DPP10: variants seen among roughly 807,000 people sequenced by gnomAD.
The protein encoded by DPP10 is dipeptidyl peptidase like 10, also known as inactive dipeptidyl peptidase 10.
DPP10 carries 33 observed loss-of-function variants against 120.9 expected under a neutral mutation model. The ratio of observed to expected loss-of-function variants is 0.27; its 90% CI spans 0.21 to 0.37. The LOEUF (loss-of-function observed/expected upper bound fraction) is 0.37, where lower values mean the gene tolerates loss of function less well. DPP10 is among the 10% of genes least tolerant of loss of function. The pLI is 1.00. For synonymous variants in DPP10, 337 were observed against 326.1 expected (o/e 1.03, Z -0.36); for missense variants, 816 against 942.8 (o/e 0.87, Z 1.76).
chr2:115,370,827 T>G (rs2065358892), intron 3 of DPP10, among the ~76,000 whole-genome samples: 1 of 151,880 alleles, frequency 6.6e-6, no homozygotes, highest in Admixed American at 6.6e-5. Context: ...GGGTACGCGT[T>G]AAGTATTGGC....
chr2:115,157,085 T>C (rs779370257), intron 1 of DPP10, among the ~76,000 whole-genome samples: 2 of 152,236 alleles, frequency 1.3e-5, no homozygotes, highest in East Asian at 3.9e-4. Flanking sequence ...GGTAAATTTC[T>C]CACGTTCTCA....
At chr2:115,377,609 A>G (rs62167326) in intron 3 of DPP10, among the ~76,000 whole-genome samples, 1 of 152,158 alleles carries the variant, frequency 6.6e-6, no homozygotes, top group African/African-American at 2.4e-5. Context: ...TTGGTATTTT[A>G]GACATGAAGT....
intron 3 of DPP10, among the ~76,000 whole-genome samples, chr2:115,490,019 A>G (rs1328177032): frequency 6.6e-6 from 1 of 152,134 alleles, no homozygotes; most frequent in African/African-American, 2.4e-5. Context: ...CTTGCAACCA[A>G]TTACCAATCA....
At chr2:114,943,676 G>A (rs1697140342) in intron 1 of DPP10, among the ~76,000 whole-genome samples, 2 of 152,112 alleles carry the variant, frequency 1.3e-5, no homozygotes, top group Admixed American at 6.5e-5. Flanking sequence ...ACCTGCACGT[G>A]TCTTTATAGT....
At chr2:115,168,871 C>G (rs146044560) in intron 1 of DPP10, among the ~76,000 whole-genome samples, 360 of 152,132 alleles carry the variant, frequency 2.4e-3, no homozygotes, top group African/African-American at 8.4e-3. Context: ...CACTGCCAGG[C>G]TAAATACAGA....
chr2:115,289,205 A>T (rs1368326752), intron 1 of DPP10, among the ~76,000 whole-genome samples: 2 of 152,122 alleles, frequency 1.3e-5, no homozygotes, highest in Admixed American at 6.6e-5. Flanking sequence ...CTGGAAAAAA[A>T]TGAAATACCT....
At chr2:115,591,787 G>A (rs2082681274) in intron 5 of DPP10, among the ~76,000 whole-genome samples, 1 of 152,176 alleles carries the variant, frequency 6.6e-6, no homozygotes, top group South Asian at 2.1e-4. Context: ...CTATCCATGA[G>A]CATAGAACAT....
intron 4 of DPP10, among the ~76,000 whole-genome samples, chr2:115,522,475 A>C (rs1269859828): frequency 1.3e-5 from 2 of 152,222 alleles, no homozygotes; most frequent in Non-Finnish European, 2.9e-5. Context: ...ATGGAATGAT[A>C]CGTACAAAAC....
intron 5 of DPP10, among the ~76,000 whole-genome samples, chr2:115,616,783 A>T (rs1404687893): frequency 6.6e-6 from 1 of 152,006 alleles, no homozygotes; most frequent in African/African-American, 2.4e-5. Context: ...ATTTCTAAAA[A>T]ATGCTGATGG....
chr2:115,675,522 A>G (rs1025521842), intron 5 of DPP10, among the ~76,000 whole-genome samples: 1 of 152,166 alleles, frequency 6.6e-6, no homozygotes, highest in Non-Finnish European at 1.5e-5. Flanking sequence ...GAGGCATGGA[A>G]GCTTGAGATG....
intron 1 of DPP10, among the ~76,000 whole-genome samples, chr2:114,982,160 A>T (rs1162978555): frequency 6.6e-6 from 1 of 152,000 alleles, no homozygotes; most frequent in African/African-American, 2.4e-5. Context: ...GTAAAAAAAT[A>T]AAAAATAAAA....
At chr2:115,130,642 C>T (rs961218618) in intron 1 of DPP10, among the ~76,000 whole-genome samples, 1 of 152,158 alleles carries the variant, frequency 6.6e-6, no homozygotes, top group Non-Finnish European at 1.5e-5. Context: ...GCTACTGATT[C>T]CTTTCATCAG....
At chr2:114,655,788 A>G (rs1696924428) in intron 1 of DPP10, among the ~76,000 whole-genome samples, 1 of 152,162 alleles carries the variant, frequency 6.6e-6, no homozygotes, top group African/African-American at 2.4e-5. Context: ...TTTTCCATTA[A>G]AAAAAGATAT....
At chr2:115,306,855 G>A (rs1194085738) in intron 1 of DPP10, among the ~76,000 whole-genome samples, 1 of 152,132 alleles carries the variant, frequency 6.6e-6, no homozygotes, top group Non-Finnish European at 1.5e-5. Flanking sequence ...CTTCAGGATA[G>A]CATTACTGAA....
intron 1 of DPP10, chr2:114,834,027 A>T (rs1687381217): frequency 6.6e-6 from 1 of 151,918 alleles, no homozygotes; most frequent in African/African-American, 2.4e-5. Flanking sequence ...GTATATAAAC[A>T]TATACACACA....
chr2:115,056,223 A>G (rs1270981068), intron 1 of DPP10, among the ~76,000 whole-genome samples: 1 of 152,170 alleles, frequency 6.6e-6, no homozygotes, highest in Non-Finnish European at 1.5e-5. Context: ...TATAATTTGC[A>G]GAAAATATAT....
At chr2:115,091,591 G>T (rs1013550235) in intron 1 of DPP10, among the ~76,000 whole-genome samples, 6 of 152,094 alleles carry the variant, frequency 3.9e-5, no homozygotes, top group African/African-American at 1.4e-4. Flanking sequence ...AAAAGTAGAA[G>T]AAAAATGGCC....
chr2:114,731,144 C>T (rs886499981), intron 1 of DPP10, among the ~76,000 whole-genome samples: 1 of 151,752 alleles, frequency 6.6e-6, no homozygotes, highest in Non-Finnish European at 1.5e-5. Flanking sequence ...TTCACAGCCT[C>T]GTTACTCCTG....
At chr2:115,789,537 A>T (rs1200454902) in intron 17 of DPP10, among the ~76,000 whole-genome samples, 2 of 152,220 alleles carry the variant, frequency 1.3e-5, no homozygotes, top group African/African-American at 4.8e-5. Flanking sequence ...TGAAAGAATG[A>T]TGCTCCTGCC....
Sources: allele counts gnomAD v4.1 joint callset (sites outside exome capture counted in the v4.1 genomes callset), GRCh38; gene constraint gnomAD v4.1.1; transcripts MANE v1.5; gene names NCBI Gene and HGNC (gene_info 2026-07-23, HGNC 2026-07-21).